The following IPPK variants were observed in gnomAD, a reference collection of about 807,000 sequenced individuals.
IPPK encodes inositol-pentakisphosphate 2-kinase.
Under a neutral mutation model 64.6 loss-of-function variants are expected in IPPK, and 22 were observed. The observed-to-expected ratio is 0.34, with a 90% CI of 0.24 to 0.49. The LOEUF (loss-of-function observed/expected upper bound fraction) is 0.49. IPPK is among the 20% of genes least tolerant of loss of function. The pLI, the probability that IPPK is intolerant of heterozygous loss-of-function variation, is 0.99. For synonymous variants in IPPK, 262 were observed against 247.2 expected (o/e 1.06, Z -0.56); for missense variants, 532 against 630.7 (o/e 0.84, Z 1.68).
intron 12 of IPPK, 119 bp from the exon 13 acceptor site, chr9:92,616,176 G>C: frequency 1.4e-6 from 1 of 690,282 alleles, no homozygotes; most frequent in East Asian, 2.7e-5. Flanking sequence ...TTTGACTTCT[G>C]CAAAGTTAGA....
intron 2 of IPPK, among the ~76,000 whole-genome samples, chr9:92,657,888 C>G (rs912247534): frequency 6.6e-6 from 1 of 151,908 alleles, no homozygotes; most frequent in Non-Finnish European, 1.5e-5. Flanking sequence ...CCTGCCATGT[C>G]CCAGGAGCCC....
chr9:92,625,748 T>C lies in IPPK; in HGVS notation c.1171-6183A>G, dbSNP rs115718412. Among the ~76,000 whole-genome samples the C allele has an allele frequency of 9.0e-3, 1,377 of 152,220 alleles. 25 individuals are homozygous for C. The highest frequency in any genetic ancestry group is 0.032 in the African/African-American group (1,310 of 41,520). ...CTGATTCTAGGAATAAGCCACAGGGTAGAGGATCTATCTAAACCAGAGACT... is the reference window on the plus strand; with the variant it reads ...CTGATTCTAGGAATAAGCCACAGGGCAGAGGATCTATCTAAACCAGAGACT... On this transcript the variant is annotated intron_variant, in intron 11 of 12. Transcript: ENST00000287996.
In IPPK at chr9:92,658,568, G is replaced by A. The variant is rs139353474; in HGVS notation, c.129+66C>T. On this transcript the variant is annotated intron_variant, in intron 2 of 12. Transcript: ENST00000287996. ...CAACTAGCATCAATGTTTCTACATC[G>A]GAAAAAAAAATCAGAGTTTTCTTAA... 201 of 1,342,496 alleles carry A rather than the reference G, an allele frequency of 1.5e-4. No individual in the cohort carries two copies. The African/African-American group carries it at 2.4e-3, about 16-fold the overall frequency. 83.2% of individuals were successfully genotyped at this position (1,342,496 alleles called of 1,614,324 possible). A position where few individuals can be genotyped will look rare whatever the true frequency, so the allele number is the denominator to read the frequency against.
At chr9:92,628,474 T>C (rs1399982784) in intron 11 of IPPK, among the ~76,000 whole-genome samples, 2 of 152,226 alleles carry the variant, frequency 1.3e-5, no homozygotes, top group South Asian at 2.1e-4. Flanking sequence ...TGCAGACATA[T>C]AGATCAATGA....
intron 11 of IPPK, among the ~76,000 whole-genome samples, chr9:92,625,301 A>G (rs1851714361): frequency 6.6e-6 from 1 of 152,250 alleles, no homozygotes; most frequent in African/African-American, 2.4e-5. Context: ...AAGAAGAAAT[A>G]TAATTAGTAA....
intron 3 of IPPK, among the ~76,000 whole-genome samples, chr9:92,653,124 G>A (rs921143786): frequency 6.6e-6 from 1 of 152,228 alleles, no homozygotes; most frequent in African/African-American, 2.4e-5. Flanking sequence ...GATGGCCTGT[G>A]CCTCCTCAGC....
intron 6 of IPPK, among the ~76,000 whole-genome samples, chr9:92,643,336 A>G (rs1852087634): frequency 1.3e-5 from 2 of 152,224 alleles, no homozygotes; most frequent in South Asian, 2.1e-4. Context: ...CAGACACAAG[A>G]ATGTCCACTG....
chr9:92,669,954 C>A lies in IPPK; in HGVS notation c.35G>T (p.Gly12Val), dbSNP rs1184075239. The change falls in exon 1 of 13, where the codon GGG (glycine) becomes GTG (valine). Residue 12 changes from glycine (G) to valine (V), a missense_variant. Coordinates refer to ENST00000287996, the MANE Select transcript of IPPK (RefSeq NM_022755.6). ...EEGKMDENEW[G>V]YHGEGNKSLV... ...GCTCTTATTGCCCTCTCCGTGGTAC[C>A]CCCATTCATTCTCGTCCATCTTCCC... 2 of 1,613,204 alleles carry A rather than the reference C, an allele frequency of 1.2e-6. No homozygotes were observed. The highest frequency in any genetic ancestry group is 2.2e-5 in the East Asian group (1 of 44,824).
At chr9:92,627,795 G>C (rs1851760671) in intron 11 of IPPK, among the ~76,000 whole-genome samples, 2 of 152,156 alleles carry the variant, frequency 1.3e-5, no homozygotes, top group Non-Finnish European at 2.9e-5. Context: ...AACAAATCAG[G>C]GATGTCTACT....
intron 11 of IPPK, chr9:92,619,870 C>G (rs1851571989): frequency 4.9e-6 from 2 of 406,898 alleles, no homozygotes; most frequent in South Asian, 3.2e-5. Context: ...AAGGTCACCA[C>G]AGTCGGCCTT....
intron 1 of IPPK, among the ~76,000 whole-genome samples, chr9:92,664,356 C>G (rs1023553331): frequency 6.6e-6 from 1 of 152,236 alleles, no homozygotes; most frequent in African/African-American, 2.4e-5. Context: ...AGGATGGGAG[C>G]CCAGTACTCT....
At position 92,648,053 on chromosome 9, in the gene IPPK, T is replaced by G. The variant is rs1852184517; in HGVS notation, c.504+6A>C. ...GAGTAGCCCACAGCTGGGCATTGGC[T>G]CTCACCTTGAGGTGCTGGTGCATGC... On this transcript the variant is annotated splice_donor_region_variant and intron_variant, in intron 6 of 12. Coordinates refer to ENST00000287996, the MANE Select transcript of IPPK (RefSeq NM_022755.6). The G allele has an allele frequency of 2.5e-6, 4 of 1,608,982 alleles. No individual in the cohort carries two copies. The East Asian group carries it at 8.9e-5, about 36-fold the overall frequency.
At chr9:92,629,404 G>A (rs1851792460) in intron 11 of IPPK, among the ~76,000 whole-genome samples, 1 of 152,124 alleles carries the variant, frequency 6.6e-6, no homozygotes, top group Non-Finnish European at 1.5e-5. Flanking sequence ...TCTGATAAGG[G>A]TCTAGTAGCC....
intron 6 of IPPK, among the ~76,000 whole-genome samples, chr9:92,646,565 G>T (rs1852153846): frequency 6.6e-6 from 1 of 152,200 alleles, no homozygotes; most frequent in South Asian, 2.1e-4. Context: ...AAGATAAAAT[G>T]AAAACACAAC....
In IPPK at chr9:92,654,472, G is replaced by C. The variant is rs560174247; in HGVS notation, c.226-1833C>G. Among the ~76,000 whole-genome samples, 15 of 152,294 alleles carry C rather than the reference G, an allele frequency of 9.8e-5. 2 individuals are homozygous for C. The East Asian group carries it at 2.9e-3, about 29-fold the overall frequency. On this transcript the variant is annotated intron_variant, in intron 3 of 12. Coordinates refer to ENST00000287996, the MANE Select transcript of IPPK (RefSeq NM_022755.6). Reference sequence around the variant, plus strand: ...GGAGGTTGAGGCTGCAGTGAGCCATGATCGCACCACTGCACTCCAGCCTGG... The same window carrying C: ...GGAGGTTGAGGCTGCAGTGAGCCATCATCGCACCACTGCACTCCAGCCTGG...
intron 8 of IPPK, among the ~76,000 whole-genome samples, chr9:92,639,409 G>A (rs987308260): frequency 2.0e-5 from 3 of 152,174 alleles, no homozygotes; most frequent in South Asian, 2.1e-4. Flanking sequence ...ATACTGAACC[G>A]GACCAGATCG....
intron 1 of IPPK, among the ~76,000 whole-genome samples, chr9:92,664,477 G>A (rs1266630909): frequency 1.3e-5 from 2 of 152,142 alleles, no homozygotes; most frequent in Non-Finnish European, 1.5e-5. Flanking sequence ...CGGCAACTCC[G>A]TCCTGACCTC....
chr9:92,615,978 G>A lies in IPPK; in HGVS notation c.1330C>T (p.Pro444Ser), dbSNP rs1851416460. ...TACTGATGGGGAATGCTCTCGTAGG[G>A]CTTGAGGTCAAGGTCCAGCACAGAC... ...SVSVLDLDLK[P>S]YESIPHQYKL... Residue 444 changes from proline to serine, a missense_variant, in exon 13 of 13, where the codon CCC (proline) becomes TCC (serine). Coordinates refer to ENST00000287996, the MANE Select transcript of IPPK (RefSeq NM_022755.6). 16 of 1,614,084 alleles carry A rather than the reference G, an allele frequency of 9.9e-6. No individual in the cohort carries two copies. The East Asian group carries it at 3.3e-4, about 34-fold the overall frequency.
chr9:92,666,728 G>A (rs951712976), intron 1 of IPPK, among the ~76,000 whole-genome samples: 6 of 152,310 alleles, frequency 3.9e-5, no homozygotes, highest in East Asian at 1.9e-4. Context: ...ATCCTGGGCC[G>A]TCTCTGAGTG....
Sources: gnomAD v4.1 joint callset for allele counts (sites outside exome capture counted in the v4.1 genomes callset) on GRCh38, gnomAD v4.1.1 for gene constraint, MANE v1.5 for transcripts, NCBI Gene and HGNC (gene_info 2026-07-23, HGNC 2026-07-21) for gene names.